The following TP53BP1 variants were observed in gnomAD, a reference collection of about 807,000 sequenced individuals.
TP53BP1 encodes tumor protein p53 binding protein 1, also known as TP53-binding protein 1.
TP53BP1 carries 61 observed loss-of-function variants against 200.8 expected under a neutral mutation model. The observed-to-expected ratio is 0.30, with a 90% CI of 0.25 to 0.38. TP53BP1 has a LOEUF of 0.38. Among genes scored for constraint, TP53BP1 ranks in the 10% least tolerant of loss-of-function variants. TP53BP1 has a pLI of 1.00. For synonymous variants in TP53BP1, 822 were observed against 844.3 expected (o/e 0.97, Z 0.46); for missense variants, 2,144 against 2,371.9 (o/e 0.90, Z 2.00).
intron 17 of TP53BP1, among the ~76,000 whole-genome samples, chr15:43,430,189 G>A (rs985416506): frequency 6.6e-6 from 1 of 152,106 alleles, no homozygotes; most frequent in Non-Finnish European, 1.5e-5. Context: ...CTGGTTCCAC[G>A]TCCTTTTTGA....
intron 15 of TP53BP1, among the ~76,000 whole-genome samples, chr15:43,440,984 T>C (rs2045913782): frequency 6.6e-6 from 1 of 152,206 alleles, no homozygotes; most frequent in Non-Finnish European, 1.5e-5. Flanking sequence ...CTGAAACAAT[T>C]GTATTCTCAC....
Position 43,499,033 on chromosome 15 carries a change from C to A in TP53BP1, c.-8-6565G>T, listed in dbSNP as rs568366839. Reference sequence around the variant, plus strand: ...AACAACAACAACAAAAAAAAAAAAACAAAACAAACCAGTTACTCCTAAACT... The same window carrying A: ...AACAACAACAACAAAAAAAAAAAAAAAAAACAAACCAGTTACTCCTAAACT... On this transcript the variant is annotated intron_variant, in intron 1 of 27. Transcript: ENST00000263801. Among the ~76,000 whole-genome samples the A allele has an allele frequency of 6.8e-3, 1,019 of 149,122 alleles. 3 individuals are homozygous for A. The highest frequency in any genetic ancestry group is 0.021 in the Middle Eastern group (6 of 290).
In TP53BP1 at chr15:43,480,886, C is replaced by A; in HGVS notation, c.499+9G>T. On this transcript the variant is annotated intron_variant, in intron 5 of 27. Coordinates refer to ENST00000382044, the MANE Select transcript of TP53BP1 (RefSeq NM_001141980.3). ...ACAGTCTATTATTCTGAAAAAAGCACAAGGCTACCTTCAGCACCAAGGGAA... is the reference window on the plus strand; with the variant it reads ...ACAGTCTATTATTCTGAAAAAAGCAAAAGGCTACCTTCAGCACCAAGGGAA... 1 of 1,613,978 alleles carries A rather than the reference C, an allele frequency of 6.2e-7. No individual in the cohort carries two copies.
intron 21 of TP53BP1, among the ~76,000 whole-genome samples, chr15:43,418,086 A>T (rs1199143051): frequency 2.0e-5 from 3 of 151,908 alleles, no homozygotes; most frequent in African/African-American, 7.3e-5. Flanking sequence ...AGGCTGAGGC[A>T]AGAGAATCAC....
At chr15:43,453,971 C>T (rs12907870) in intron 12 of TP53BP1, among the ~76,000 whole-genome samples, 26,572 of 151,878 alleles carry the variant, frequency 0.17, 2,505 homozygotes, top group Middle Eastern at 0.27. Context: ...ACTTTGGAGG[C>T]CGAGGAAGGC....
chr15:43,501,886 T>C (rs758487069), intron 1 of TP53BP1, among the ~76,000 whole-genome samples: 2 of 152,214 alleles, frequency 1.3e-5, no homozygotes, highest in African/African-American at 2.4e-5. Flanking sequence ...ATAAATAAAG[T>C]TGCTATGAAC....
intron 4 of TP53BP1, among the ~76,000 whole-genome samples, chr15:43,486,227 T>C (rs2079045587): frequency 6.6e-6 from 1 of 151,922 alleles, no homozygotes; most frequent in Non-Finnish European, 1.5e-5. Context: ...AAATACAAAA[T>C]TAGCCGGGCA....
intron 25 of TP53BP1, 164 bp downstream of exon 25, chr15:43,409,483 A>G: frequency 1.9e-6 from 1 of 521,706 alleles, no homozygotes; most frequent in Non-Finnish European, 3.4e-6. Flanking sequence ...CCCTATACAC[A>G]ACAAAAATTC....
Position 43,405,299 on chromosome 15 carries a change from C to A in TP53BP1, c.*2084G>T, listed in dbSNP as rs770991434. ...CAAAACATCCCATTCTAGCCACACA[C>A]AAATAAATATCTGCGGCTTAGTGAT... On this transcript the variant is annotated 3_prime_UTR_variant, in exon 28 of 28. Transcript: ENST00000382044. The A allele has an allele frequency of 1.4e-6, 2 of 1,478,344 alleles. No individual in the cohort carries two copies. Among genetic ancestry groups the A allele is most frequent in the Non-Finnish European group, 1.9e-6 (2 of 1,058,388 alleles). 91.6% of individuals were successfully genotyped at this position (1,478,344 alleles called of 1,614,324 possible). A position where few individuals can be genotyped will look rare whatever the true frequency, so the allele number is the denominator to read the frequency against.
intron 3 of TP53BP1, 98 bp from the exon 4 acceptor site, chr15:43,491,851 T>C (rs1189928163): frequency 6.1e-6 from 7 of 1,138,356 alleles, no homozygotes; most frequent in African/African-American, 1.5e-5. Flanking sequence ...TCAGTGACAC[T>C]AGCACATCAA....
chr15:43,416,453 T>C, intron 21 of TP53BP1, 37 bp from the exon 22 acceptor site: 28 of 1,599,948 alleles, frequency 1.8e-5, no homozygotes, highest in Non-Finnish European at 2.4e-5. Flanking sequence ...CTTGCTGTTG[T>C]CTTAGGCTCC....
rs1211662818 is a variant in TP53BP1, at chr15:43,432,547, C to G, written c.3322G>C (p.Ala1108Pro). 3 of 1,614,064 alleles carry G rather than the reference C, an allele frequency of 1.9e-6. No homozygotes were observed. The highest frequency in any genetic ancestry group is 2.2e-5 in the East Asian group (1 of 44,898). ...CCTTGTATGACCATCTTCTGGGAAG[C>G]AGGAGAAACAGGGTCCTTGACAGGA... ...ISPVKDPVSP[A>P]SQKMVIQGPS... is the part of the protein sequence containing the mutation. Residue 1108 changes from alanine (A) to proline (P), a missense_variant, in exon 17 of 28, where the codon GCT (alanine) becomes CCT (proline). By Grantham distance (27) the Ala-to-Pro change is conservative. Transcript: ENST00000382044.
chr15:43,410,751 G>T (rs1037693523), intron 24 of TP53BP1, among the ~76,000 whole-genome samples: 4 of 152,084 alleles, frequency 2.6e-5, no homozygotes, highest in Admixed American at 6.6e-5. Flanking sequence ...GATCCCTTAT[G>T]ACGGCTCCCC....
chr15:43,460,860 CAA>C (rs35104408), intron 11 of TP53BP1, among the ~76,000 whole-genome samples: 1 of 133,148 alleles, frequency 7.5e-6, no homozygotes, highest in Non-Finnish European at 1.6e-5. Flanking sequence ...CTGTCTCTAC[CAA>C]AAAAAAAAAA....
intron 11 of TP53BP1, among the ~76,000 whole-genome samples, chr15:43,461,461 G>A (rs994838729): frequency 6.6e-6 from 1 of 151,994 alleles, no homozygotes; most frequent in Non-Finnish European, 1.5e-5. Context: ...CAAGCAATCT[G>A]CCCACCTCGA....
At chr15:43,446,357 C>T (rs528641480) in intron 14 of TP53BP1, 30 bp downstream of exon 14, 3 of 1,562,314 alleles carry the variant, frequency 1.9e-6, no homozygotes, top group East Asian at 2.2e-5. Flanking sequence ...TCTGCAGCTA[C>T]TAATTACCCA....
chr15:43,437,863 T>C (rs545356562), intron 16 of TP53BP1, among the ~76,000 whole-genome samples: 14 of 152,274 alleles, frequency 9.2e-5, no homozygotes, highest in African/African-American at 2.4e-4. Context: ...GACTGGGAAA[T>C]TGATAAAGAA....
chr15:43,446,075 G>A (rs45608146), intron 14 of TP53BP1, among the ~76,000 whole-genome samples: 9 of 152,124 alleles, frequency 5.9e-5, no homozygotes, highest in African/African-American at 2.2e-4. Context: ...ATGTGGGAAA[G>A]AATCAACATT....
At chr15:43,501,413 T>C (rs921843881) in intron 1 of TP53BP1, among the ~76,000 whole-genome samples, 4 of 151,906 alleles carry the variant, frequency 2.6e-5, no homozygotes, top group African/African-American at 4.8e-5. Context: ...GGGGTTACAC[T>C]ATGTTGCTCA....
Sources: gnomAD v4.1 joint callset for allele counts (sites outside exome capture counted in the v4.1 genomes callset) on GRCh38, gnomAD v4.1.1 for gene constraint, MANE v1.5 for transcripts, NCBI Gene and HGNC (gene_info 2026-07-23, HGNC 2026-07-21) for gene names.